TMEM132B: variants seen among roughly 807,000 people sequenced by gnomAD.
TMEM132B encodes the protein transmembrane protein 132B.
In TMEM132B, 18 loss-of-function variants were observed where a neutral mutation model predicts 90.8. The observed-to-expected ratio is 0.20, with a 90% CI of 0.14 to 0.29. The LOEUF (loss-of-function observed/expected upper bound fraction) is 0.29, where lower values mean the gene tolerates loss of function less well. Among genes scored for constraint, TMEM132B ranks in the 10% least tolerant of loss-of-function variants. The probability of loss-of-function intolerance (pLI) is 1.00; values close to 1 mark genes in which losing one functional copy is unlikely to be tolerated. For missense variants in TMEM132B, 1,096 were observed against 1,326.8 expected, an observed-to-expected ratio of 0.83 and a Z score of 2.70; for synonymous variants, 504 against 523.3, an observed-to-expected ratio of 0.96 and a Z score of 0.50.
chr12:125,355,413 A>T (rs571057566), intron 2 of TMEM132B, among the ~76,000 whole-genome samples: 11 of 152,188 alleles, frequency 7.2e-5, no homozygotes, highest in Non-Finnish European at 1.5e-4. Flanking sequence ...TTGGGAGCAC[A>T]GTTGGCTTTC....
intron 1 of TMEM132B, among the ~76,000 whole-genome samples, chr12:125,259,541 C>T (rs1008887380): frequency 3.3e-5 from 5 of 152,128 alleles, no homozygotes; most frequent in East Asian, 1.9e-4. Flanking sequence ...CTCATAAGGG[C>T]CGTTGGGTCT....
chr12:125,342,376 C>T (rs1877211318), intron 1 of TMEM132B, among the ~76,000 whole-genome samples: 1 of 152,192 alleles, frequency 6.6e-6, no homozygotes, highest in Non-Finnish European at 1.5e-5. Flanking sequence ...ACTCCCCTCA[C>T]CCCGTGCCTC....
chr12:125,227,815 C>G (rs992602188), intron 1 of TMEM132B, among the ~76,000 whole-genome samples: 1 of 152,046 alleles, frequency 6.6e-6, no homozygotes, highest in African/African-American at 2.4e-5. Context: ...AACAAAAGTA[C>G]CAGGAATGAA....
intron 3 of TMEM132B, among the ~76,000 whole-genome samples, chr12:125,479,789 A>G (rs1881990603): frequency 6.6e-6 from 1 of 151,672 alleles, no homozygotes; most frequent in Admixed American, 6.6e-5. Flanking sequence ...CTCCACCCCA[A>G]ATCAACAGAA....
chr12:125,567,399 C>T (rs1263277283), intron 4 of TMEM132B, among the ~76,000 whole-genome samples: 1 of 152,086 alleles, frequency 6.6e-6, no homozygotes. Flanking sequence ...TCCTGTCTCC[C>T]TTCCTTTCTC....
intron 4 of TMEM132B, among the ~76,000 whole-genome samples, chr12:125,567,473 C>T (rs975880166): frequency 6.6e-6 from 1 of 152,162 alleles, no homozygotes; most frequent in African/African-American, 2.4e-5. Flanking sequence ...CCGCTTCATC[C>T]ATCGGTCCAT....
intron 3 of TMEM132B, among the ~76,000 whole-genome samples, chr12:125,464,002 C>A (rs937528170): frequency 6.6e-6 from 1 of 152,154 alleles, no homozygotes; most frequent in African/African-American, 2.4e-5. Flanking sequence ...AATTCCCTCA[C>A]TATCATGAGA....
chr12:125,375,793 C>T (rs544043689), intron 2 of TMEM132B, among the ~76,000 whole-genome samples: 2 of 152,324 alleles, frequency 1.3e-5, no homozygotes, highest in Admixed American at 6.5e-5. Context: ...CTTCTATATT[C>T]CTGTGAATTC....
chr12:125,432,152 T>G (rs1007299913), intron 3 of TMEM132B, among the ~76,000 whole-genome samples: 1 of 151,698 alleles, frequency 6.6e-6, no homozygotes, highest in South Asian at 2.1e-4. Context: ...TTGCGAATCC[T>G]GTAAGCAAAA....
intron 3 of TMEM132B, among the ~76,000 whole-genome samples, chr12:125,480,218 C>T (rs1882001441): frequency 6.6e-6 from 1 of 152,012 alleles, no homozygotes; most frequent in Non-Finnish European, 1.5e-5. Flanking sequence ...CAAGAGCAAA[C>T]AAATTCAAAA....
chr12:125,302,132 G>A (rs1875843693), intron 1 of TMEM132B, among the ~76,000 whole-genome samples: 2 of 151,996 alleles, frequency 1.3e-5, no homozygotes, highest in Admixed American at 6.6e-5. Flanking sequence ...CCTGGGAGGC[G>A]GAGGTTGCAG....
chr12:125,293,277 G>A (rs1336535840), intron 1 of TMEM132B, among the ~76,000 whole-genome samples: 2 of 152,226 alleles, frequency 1.3e-5, no homozygotes, highest in Non-Finnish European at 2.9e-5. Flanking sequence ...AAAGCGTATT[G>A]CAGCAGTTTT....
intron 2 of TMEM132B, among the ~76,000 whole-genome samples, chr12:125,373,629 A>AC (rs530896634): frequency 3.3e-5 from 5 of 152,238 alleles, no homozygotes; most frequent in African/African-American, 1.2e-4. Context: ...GTTACAAAGT[A>AC]CCATTGTAGT....
chr12:125,312,980 C>T lies in TMEM132B; in HGVS notation c.68-36472C>T, dbSNP rs375075405. On this transcript the variant is annotated intron_variant, in intron 1 of 8. Coordinates refer to ENST00000682704, the MANE Select transcript of TMEM132B (RefSeq NM_001366854.1). Reference sequence around the variant, plus strand: ...ATGTGTCTACCAAAGCACCTGCTTTCCTGGAAGCCTGCACATGCTCAGGAT... The same window carrying T: ...ATGTGTCTACCAAAGCACCTGCTTTTCTGGAAGCCTGCACATGCTCAGGAT... 2.0e-5 allele frequency among the ~76,000 whole-genome samples: 3 copies of T among 152,174 alleles called. No homozygotes were observed. In the East Asian group the frequency reaches 5.8e-4, roughly 29 times the overall value.
intron 1 of TMEM132B, among the ~76,000 whole-genome samples, chr12:125,282,131 G>A (rs1397614505): frequency 3.3e-5 from 5 of 151,294 alleles, no homozygotes; most frequent in African/African-American, 1.2e-4. Context: ...CATGGAAGTG[G>A]TGCTGTGTGC....
chr12:125,562,613 C>G (rs1470389995), intron 4 of TMEM132B, among the ~76,000 whole-genome samples: 1 of 152,180 alleles, frequency 6.6e-6, no homozygotes, highest in Admixed American at 6.5e-5. Context: ...TGTGTCCCCA[C>G]CCAAATCTCA....
intron 1 of TMEM132B, among the ~76,000 whole-genome samples, chr12:125,313,544 CT>C (rs1279857068): frequency 1.0e-5 from 1 of 99,536 alleles, no homozygotes; most frequent in Non-Finnish European, 2.1e-5. Context: ...CCATTTCCCC[CT>C]CCCCTCCCGT....
intron 1 of TMEM132B, among the ~76,000 whole-genome samples, chr12:125,275,753 G>A (rs1322819774): frequency 6.6e-6 from 1 of 152,048 alleles, no homozygotes; most frequent in Admixed American, 6.6e-5. Context: ...TCACTCTGTT[G>A]CCCAGGCTGG....
intron 2 of TMEM132B, among the ~76,000 whole-genome samples, chr12:125,382,960 G>GT (rs1168755450): frequency 1.3e-5 from 2 of 152,182 alleles, no homozygotes; most frequent in African/African-American, 4.8e-5. Flanking sequence ...ACAGAAGAGG[G>GT]TTTTTTGACA....
Sources: allele counts gnomAD v4.1 joint callset (sites outside exome capture counted in the v4.1 genomes callset), GRCh38; gene constraint gnomAD v4.1.1; transcripts MANE v1.5; gene names NCBI Gene and HGNC (gene_info 2026-07-23, HGNC 2026-07-21).